Variants in MACROD2 observed in about 807,000 individuals in gnomAD.
MACROD2 encodes ADP-ribose glycohydrolase MACROD2.
Under a neutral mutation model 70.4 loss-of-function variants are expected in MACROD2, and 36 were observed. The ratio of observed to expected loss-of-function variants is 0.51; its 90% confidence interval spans 0.39 to 0.68. MACROD2 has a LOEUF of 0.68. Among genes scored for constraint, MACROD2 ranks in the 30% least tolerant of loss-of-function variants. MACROD2 has a pLI of 0.00. For missense variants in MACROD2, 496 were observed against 538.4 expected (o/e 0.92, Z 0.78); for synonymous variants, 172 against 178.8 (o/e 0.96, Z 0.30).
At chr20:14,830,824 A>G (rs919187463) in intron 5 of MACROD2, among the ~76,000 whole-genome samples, 1 of 152,144 alleles carries the variant, frequency 6.6e-6, no homozygotes, top group Non-Finnish European at 1.5e-5. Context: ...ACCAGCCACA[A>G]ATATTTATTT....
chr20:15,269,108 T>G (rs2077322972), intron 6 of MACROD2, among the ~76,000 whole-genome samples: 1 of 152,232 alleles, frequency 6.6e-6, no homozygotes, highest in Admixed American at 6.5e-5. Context: ...TATTATATAT[T>G]GTTAAATGAT....
At chr20:15,968,195 G>C (rs1030537792) in intron 13 of MACROD2, among the ~76,000 whole-genome samples, 2 of 152,198 alleles carry the variant, frequency 1.3e-5, no homozygotes, top group Admixed American at 6.5e-5. Flanking sequence ...ATAAAGAAAG[G>C]CTTTTCAAGT....
intron 5 of MACROD2, among the ~76,000 whole-genome samples, chr20:15,020,216 T>C (rs2075154482): frequency 6.6e-6 from 1 of 152,172 alleles, no homozygotes; most frequent in Non-Finnish European, 1.5e-5. Context: ...GTTCTCTTGA[T>C]TTCCCAAGTC....
intron 15 of MACROD2, among the ~76,000 whole-genome samples, chr20:16,015,588 G>A (rs932083090): frequency 3.9e-5 from 6 of 152,064 alleles, no homozygotes; most frequent in African/African-American, 1.4e-4. Context: ...ATATTTTATT[G>A]GGATTAATTA....
At chr20:14,091,971 A>T (rs180835442) in intron 3 of MACROD2, among the ~76,000 whole-genome samples, 2 of 152,256 alleles carry the variant, frequency 1.3e-5, no homozygotes, top group Middle Eastern at 3.4e-3. Context: ...TGTGATTACT[A>T]GGTTACATGT....
intron 3 of MACROD2, among the ~76,000 whole-genome samples, chr20:14,169,195 G>A (rs971020725): frequency 6.6e-6 from 1 of 152,016 alleles, no homozygotes; most frequent in East Asian, 1.9e-4. Flanking sequence ...GCATAGAAGA[G>A]ACATACATAC....
At chr20:15,200,949 C>T (rs115791934) in intron 5 of MACROD2, among the ~76,000 whole-genome samples, 2,377 of 152,204 alleles carry the variant, frequency 0.016, 22 homozygotes, top group Middle Eastern at 0.065. Context: ...ATAAATAATT[C>T]ACTAGGAAGC....
intron 5 of MACROD2, among the ~76,000 whole-genome samples, chr20:15,142,826 A>G (rs1206428093): frequency 6.6e-6 from 1 of 152,104 alleles, no homozygotes; most frequent in Non-Finnish European, 1.5e-5. Context: ...CCATGTCCCT[A>G]CAAACGACAT....
rs538090339 is a variant in MACROD2, at chr20:14,801,155, G to T, written c.418+116196G>T. Among the ~76,000 whole-genome samples the T allele has an allele frequency of 1.8e-3, 267 of 152,258 alleles. 2 individuals carry two copies. Among genetic ancestry groups the T allele is most frequent in the Non-Finnish European group, 2.3e-3 (158 of 68,010 alleles). ...GCTGGTGGAAAACTTTTCCCTAATT[G>T]GGATATTTGTTTTCTTCCCAAATTA... On this transcript the variant is annotated intron_variant, in intron 5 of 17. Coordinates refer to ENST00000684519, the MANE Select transcript of MACROD2 (RefSeq NM_001351661.2).
intron 3 of MACROD2, among the ~76,000 whole-genome samples, chr20:14,357,611 T>C (rs1291489158): frequency 1.3e-5 from 2 of 152,176 alleles, no homozygotes; most frequent in African/African-American, 4.8e-5. Context: ...AATGTAGTGG[T>C]TCCTCAGGGC....
chr20:15,078,236 G>A (rs411944), intron 5 of MACROD2, among the ~76,000 whole-genome samples: 53,489 of 151,844 alleles, frequency 0.35, 10,121 homozygotes, highest in East Asian at 0.49. Context: ...AGCCCTGGAA[G>A]ATAATAGAAG....
At chr20:15,367,569 A>G (rs1206185315) in intron 6 of MACROD2, among the ~76,000 whole-genome samples, 6 of 152,194 alleles carry the variant, frequency 3.9e-5, no homozygotes, top group African/African-American at 1.4e-4. Context: ...TACTCTTCAA[A>G]GATTTCTACC....
intron 8 of MACROD2, among the ~76,000 whole-genome samples, chr20:15,818,874 G>A (rs2063905427): frequency 1.3e-5 from 2 of 152,110 alleles, no homozygotes; most frequent in South Asian, 2.1e-4. Flanking sequence ...GTCACGAACT[G>A]TGGCTTTTTT....
intron 5 of MACROD2, among the ~76,000 whole-genome samples, chr20:14,861,575 A>G (rs962961193): frequency 1.1e-4 from 17 of 151,976 alleles, no homozygotes; most frequent in African/African-American, 3.9e-4. Flanking sequence ...TGCACTCTGC[A>G]TGGATCAACC....
chr20:15,131,964 A>G (rs1048338960), intron 5 of MACROD2, among the ~76,000 whole-genome samples: 3 of 152,068 alleles, frequency 2.0e-5, no homozygotes, highest in Non-Finnish European at 4.4e-5. Context: ...AAGAAATCCC[A>G]TCTATATACT....
At chr20:14,040,179 A>G (rs1601145928) in intron 2 of MACROD2, among the ~76,000 whole-genome samples, 1 of 152,234 alleles carries the variant, frequency 6.6e-6, no homozygotes, top group East Asian at 1.9e-4. Context: ...GATAGTGTGT[A>G]TTTACCACAA....
At chr20:15,831,091 C>A (rs1306394846) in intron 8 of MACROD2, among the ~76,000 whole-genome samples, 3 of 152,142 alleles carry the variant, frequency 2.0e-5, no homozygotes, top group Admixed American at 2.0e-4. Flanking sequence ...GCTACTAAGC[C>A]AGTCATGAAT....
At chr20:14,310,353 CAT>C (rs1216773700) in intron 3 of MACROD2, among the ~76,000 whole-genome samples, 1 of 151,960 alleles carries the variant, frequency 6.6e-6, no homozygotes, top group African/African-American at 2.4e-5. Context: ...AAATTACAGT[CAT>C]GTGCTGCATA....
intron 2 of MACROD2, among the ~76,000 whole-genome samples, chr20:14,051,052 A>G (rs2053560251): frequency 6.6e-6 from 1 of 152,186 alleles, no homozygotes; most frequent in Non-Finnish European, 1.5e-5. Context: ...GATGGTCAAG[A>G]TATATTAAGT....
Sources: gnomAD v4.1 joint callset for allele counts (sites outside exome capture counted in the v4.1 genomes callset) on GRCh38, gnomAD v4.1.1 for gene constraint, MANE v1.5 for transcripts, NCBI Gene and HGNC (gene_info 2026-07-23, HGNC 2026-07-21) for gene names.